PARD3B: variants seen among roughly 807,000 people sequenced by gnomAD.
PARD3B encodes partitioning defective 3 homolog B.
PARD3B carries 103 observed loss-of-function variants against 130.2 expected under a neutral mutation model. That is an observed-to-expected ratio of 0.79 (90% CI 0.67 to 0.93). The LOEUF (loss-of-function observed/expected upper bound fraction) is 0.93, where lower values mean the gene tolerates loss of function less well. Ranked by LOEUF, PARD3B falls within the 40% of genes least tolerant of loss-of-function variation. The pLI is 0.00. For synonymous variants in PARD3B, 583 were observed against 553.2 expected (o/e 1.05, Z -0.76); for missense variants, 1,609 against 1,499.2 (o/e 1.07, Z -1.21).
intron 19 of PARD3B, among the ~76,000 whole-genome samples, chr2:205,423,039 C>CT (rs2047024607): frequency 2.0e-5 from 3 of 152,190 alleles, no homozygotes; most frequent in Non-Finnish European, 4.4e-5. Flanking sequence ...ATGGTAGAAC[C>CT]TTTCTCCTCG....
At position 205,159,729 on chromosome 2, in the gene PARD3B, C is replaced by T. The variant is rs546163058; in HGVS notation, c.1620+822C>T. Among the ~76,000 whole-genome samples the T allele has an allele frequency of 5.9e-5, 9 of 152,248 alleles. 1 individual carries two copies. In the East Asian group the frequency reaches 9.7e-4, roughly 16 times the overall value. The stretch of plus-strand genomic sequence containing the variant: ...TGCCACCCTCATTATTATCTCACAC[C>T]GTGCAAGGAGACTTCTTGAGTTTGA... On this transcript the variant is annotated intron_variant, in intron 11 of 22. Transcript: ENST00000406610.
chr2:205,210,285 T>C (rs2037558776), intron 15 of PARD3B, among the ~76,000 whole-genome samples: 1 of 151,974 alleles, frequency 6.6e-6, no homozygotes, highest in Non-Finnish European at 1.5e-5. Flanking sequence ...ATTTTTATTC[T>C]CTTATATACC....
At chr2:205,061,844 G>A (rs1393628364) in intron 4 of PARD3B, among the ~76,000 whole-genome samples, 3 of 151,318 alleles carry the variant, frequency 2.0e-5, no homozygotes, top group African/African-American at 7.3e-5. Flanking sequence ...GGCAATATTG[G>A]AACTACATCA....
intron 1 of PARD3B, among the ~76,000 whole-genome samples, chr2:204,593,540 A>G (rs2033161137): frequency 6.6e-6 from 1 of 152,186 alleles, no homozygotes; most frequent in Non-Finnish European, 1.5e-5. Context: ...TCCCAAGACT[A>G]ACTAATATCC....
At chr2:204,640,098 T>TA (rs1217557486) in intron 1 of PARD3B, among the ~76,000 whole-genome samples, 1 of 151,868 alleles carries the variant, frequency 6.6e-6, no homozygotes, top group Non-Finnish European at 1.5e-5. Flanking sequence ...TACAAATAAT[T>TA]AAAAAATTAG....
At chr2:204,632,113 C>T (rs546236778) in intron 1 of PARD3B, among the ~76,000 whole-genome samples, 1 of 152,042 alleles carries the variant, frequency 6.6e-6, no homozygotes, top group African/African-American at 2.4e-5. Flanking sequence ...ACCATCCCCT[C>T]GTTACTATCC....
intron 1 of PARD3B, among the ~76,000 whole-genome samples, chr2:204,614,939 T>C (rs1320615591): frequency 1.3e-5 from 2 of 152,182 alleles, no homozygotes; most frequent in African/African-American, 4.8e-5. Context: ...TATTTCTTTA[T>C]AGCAATGCAA....
chr2:204,665,739 C>T (rs890321527), intron 1 of PARD3B, among the ~76,000 whole-genome samples: 1 of 152,126 alleles, frequency 6.6e-6, no homozygotes, highest in African/African-American at 2.4e-5. Context: ...AGTATTCTCA[C>T]AAGAAAGCTG....
intron 3 of PARD3B, among the ~76,000 whole-genome samples, chr2:204,986,828 G>C (rs187088564): frequency 1.5e-3 from 228 of 152,218 alleles, no homozygotes; most frequent in Non-Finnish European, 2.1e-3. Context: ...GCCATAAAAC[G>C]CTGGAGCAAA....
intron 4 of PARD3B, among the ~76,000 whole-genome samples, chr2:205,070,038 G>A (rs1700628818): frequency 6.6e-6 from 1 of 152,014 alleles, no homozygotes; most frequent in African/African-American, 2.4e-5. Context: ...AGCCTTCCTT[G>A]GGGTCACTAG....
chr2:204,643,077 G>A (rs929718307), intron 1 of PARD3B, among the ~76,000 whole-genome samples: 16 of 121,814 alleles, frequency 1.3e-4, no homozygotes, highest in Admixed American at 2.2e-4. Context: ...TCGCACCACC[G>A]CACTCCAGCC....
chr2:204,546,244 C>G (rs1384500257), intron 1 of PARD3B, 125 bp downstream of exon 1: 4 of 1,354,320 alleles, frequency 3.0e-6, no homozygotes, highest in Non-Finnish European at 4.0e-6. Context: ...GTAGCTGCAG[C>G]TGTTGTCTAT....
At chr2:204,622,623 C>A (rs10932079) in intron 1 of PARD3B, among the ~76,000 whole-genome samples, 106,664 of 151,414 alleles carry the variant, frequency 0.7, 38,365 homozygotes, top group Middle Eastern at 0.79. Context: ...ATTATATAGC[C>A]GTATTTATGA....
At position 205,105,320 on chromosome 2, in the gene PARD3B, T is replaced by C. The variant is rs923432873; in HGVS notation, c.593+806T>C. On this transcript the variant is annotated intron_variant, in intron 5 of 22. Coordinates refer to ENST00000406610, the MANE Select transcript of PARD3B (RefSeq NM_001302769.2). This position sits in a 1 kb window ranked among gnomAD's most constrained non-coding sequence, Gnocchi z 4.0. ...CTGCTGTTTCTACTACTATCATTAA[T>C]ATCACATCATCTCTATTATTGTTCT... 1.3e-5 allele frequency among the ~76,000 whole-genome samples: 2 copies of C among 152,224 alleles called. No homozygotes were observed. The highest frequency in any genetic ancestry group is 2.1e-4 in the South Asian group (1 of 4,832).
chr2:205,588,003 G>C (rs1212575077), intron 22 of PARD3B, among the ~76,000 whole-genome samples: 2 of 152,200 alleles, frequency 1.3e-5, no homozygotes, highest in Admixed American at 1.3e-4. Context: ...CCTCTGCCTA[G>C]CACCTGCATG....
chr2:204,735,397 C>CTAATTTTCA (rs2039699919), intron 2 of PARD3B, among the ~76,000 whole-genome samples: 1 of 152,014 alleles, frequency 6.6e-6, no homozygotes, highest in Non-Finnish European at 1.5e-5. Flanking sequence ...AACTAAAACC[C>CTAATTTTCA]TAATTTTCAA....
Position 204,675,160 on chromosome 2 carries a change from A to G in PARD3B, c.121-11021A>G, listed in dbSNP as rs1280164738. 1.3e-5 allele frequency among the ~76,000 whole-genome samples: 2 copies of G among 152,156 alleles called. No homozygotes were observed. Among genetic ancestry groups the G allele is most frequent in the African/African-American group, 2.4e-5 (1 of 41,434 alleles). Reference sequence around the variant, plus strand: ...CAAATAATGGAAAACAGGATTTTTAAAAAATCAGCTGTTTTCTTTAAAATT... The same window carrying G: ...CAAATAATGGAAAACAGGATTTTTAGAAAATCAGCTGTTTTCTTTAAAATT... On this transcript the variant is annotated intron_variant, in intron 1 of 22. Coordinates refer to ENST00000406610, the MANE Select transcript of PARD3B (RefSeq NM_001302769.2). The surrounding 1 kb of genome is among the most constrained non-coding windows in gnomAD (Gnocchi z 4.4).
At chr2:205,524,475 T>G (rs2051243620) in intron 21 of PARD3B, among the ~76,000 whole-genome samples, 2 of 152,160 alleles carry the variant, frequency 1.3e-5, no homozygotes, top group South Asian at 4.1e-4. Flanking sequence ...TGCAGGTGCT[T>G]TTGCTGAAAT....
At chr2:204,632,433 A>G (rs1282347870) in intron 1 of PARD3B, among the ~76,000 whole-genome samples, 1 of 152,158 alleles carries the variant, frequency 6.6e-6, no homozygotes, top group Non-Finnish European at 1.5e-5. Context: ...TTGTGGGCTT[A>G]TCTACCTCTG....
Sources: gnomAD v4.1 joint callset for allele counts (sites outside exome capture counted in the v4.1 genomes callset) on GRCh38, gnomAD v4.1.1 for gene constraint, Gnocchi (gnomAD v3.1) non-coding constraint, MANE v1.5 for transcripts, NCBI Gene and HGNC (gene_info 2026-07-23, HGNC 2026-07-21) for gene names.